MITF: variants seen among roughly 807,000 people sequenced by gnomAD.
MITF encodes the protein microphthalmia-associated transcription factor.
Under a neutral mutation model 60.5 loss-of-function variants are expected in MITF, and 17 were observed. That is an observed-to-expected ratio of 0.28 (90% CI 0.19 to 0.42). MITF has a LOEUF of 0.42. MITF is among the 10% of genes least tolerant of loss of function. MITF has a pLI of 1.00. For synonymous variants in MITF, 260 were observed against 248.5 expected, an observed-to-expected ratio of 1.05 and a Z score of -0.43; for missense variants, 622 against 683.5, an observed-to-expected ratio of 0.91 and a Z score of 1.00.
At chr3:69,924,759 A>C (rs1333947999) in intron 2 of MITF, among the ~76,000 whole-genome samples, 6 of 152,166 alleles carry the variant, frequency 3.9e-5, no homozygotes, top group African/African-American at 1.2e-4. Flanking sequence ...TTTCCCTAAA[A>C]CCCAGTTAAA....
chr3:69,868,333 G>A (rs1199271555), intron 1 of MITF, among the ~76,000 whole-genome samples: 1 of 152,164 alleles, frequency 6.6e-6, no homozygotes, highest in Non-Finnish European at 1.5e-5. Flanking sequence ...AAGTGATACA[G>A]CTAAGAAATG....
At chr3:69,947,486 CCA>C (rs2066127163) in intron 5 of MITF, among the ~76,000 whole-genome samples, 1 of 152,160 alleles carries the variant, frequency 6.6e-6, no homozygotes, top group Non-Finnish European at 1.5e-5. Context: ...TCAACTAAAA[CCA>C]CTTAGTGAAA....
At chr3:69,899,582 AG>A (rs1323537719) in intron 2 of MITF, among the ~76,000 whole-genome samples, 3 of 152,152 alleles carry the variant, frequency 2.0e-5, no homozygotes, top group Non-Finnish European at 4.4e-5. Context: ...TTCTCATCTC[AG>A]GGGGTTATCA....
Position 69,799,438 on chromosome 3 carries a change from G to A in MITF, c.104+59737G>A, listed in dbSNP as rs758902160. ...TACAGTTTTTATTTCTCTGATTTAA[G>A]CATTGTCACATTGGCTCTTTTTGTT... On this transcript the variant is annotated intron_variant, in intron 1 of 9. Coordinates refer to ENST00000352241, the MANE Select transcript of MITF (RefSeq NM_001354604.2). Among the ~76,000 whole-genome samples, 3 of 152,186 alleles carry A rather than the reference G, an allele frequency of 2.0e-5. No individual in the cohort carries two copies. The South Asian group carries it at 6.2e-4, about 32-fold the overall frequency.
At chr3:69,793,181 T>G (rs1194993959) in intron 1 of MITF, among the ~76,000 whole-genome samples, 1 of 127,848 alleles carries the variant, frequency 7.8e-6, no homozygotes, top group African/African-American at 2.7e-5. Flanking sequence ...ACCTGGCTAA[T>G]TTTTTTGTAT....
intron 9 of MITF, among the ~76,000 whole-genome samples, chr3:69,963,257 C>T (rs147379158): frequency 1.2e-3 from 189 of 152,226 alleles, no homozygotes; most frequent in Non-Finnish European, 2.1e-3. Context: ...TAGATGAGAA[C>T]GTACTTGTTG....
At chr3:69,911,150 TG>T (rs980133605) in intron 2 of MITF, among the ~76,000 whole-genome samples, 15 of 152,198 alleles carry the variant, frequency 9.9e-5, no homozygotes, top group Non-Finnish European at 1.5e-5. Context: ...CAGGGGTTTC[TG>T]CTTTTGCTTC....
chr3:69,844,046 A>C (rs1388102579), intron 1 of MITF, among the ~76,000 whole-genome samples: 1 of 152,142 alleles, frequency 6.6e-6, no homozygotes, highest in Non-Finnish European at 1.5e-5. Context: ...TTCCAGCTTC[A>C]TCCATGTCCC....
intron 1 of MITF, among the ~76,000 whole-genome samples, chr3:69,855,273 A>AG: frequency 6.6e-6 from 1 of 151,734 alleles, no homozygotes; most frequent in East Asian, 1.9e-4. Flanking sequence ...AAAAAAAAAA[A>AG]AAAAAACACT....
intron 2 of MITF, among the ~76,000 whole-genome samples, chr3:69,883,945 A>T (rs919494255): frequency 6.6e-6 from 1 of 152,084 alleles, no homozygotes; most frequent in Non-Finnish European, 1.5e-5. Context: ...TTTTGAATCA[A>T]TGTTGGTGTC....
chr3:69,910,123 A>T (rs904753167), intron 2 of MITF, among the ~76,000 whole-genome samples: 3 of 152,228 alleles, frequency 2.0e-5, no homozygotes, highest in Non-Finnish European at 4.4e-5. Flanking sequence ...CCTGTGTCCC[A>T]GCCTCTCCAA....
At position 69,826,591 on chromosome 3, in the gene MITF, G is replaced by C. The variant is rs968917995; in HGVS notation, c.105-52543G>C. On this transcript the variant is annotated intron_variant, in intron 1 of 9. Coordinates refer to ENST00000352241, the MANE Select transcript of MITF (RefSeq NM_001354604.2). Reference sequence around the variant, plus strand: ...GCAAAATGTGAGGTTGAAGACACAAGCTTGGAGTTAGACAACTCATTAACT... The same window carrying C: ...GCAAAATGTGAGGTTGAAGACACAACCTTGGAGTTAGACAACTCATTAACT... Among the ~76,000 whole-genome samples the C allele has an allele frequency of 3.9e-5, 6 of 152,172 alleles. No homozygotes were observed. In the South Asian group the frequency reaches 6.2e-4, roughly 16 times the overall value.
chr3:69,950,356 G>T (rs888103384), intron 6 of MITF, among the ~76,000 whole-genome samples: 4 of 151,278 alleles, frequency 2.6e-5, no homozygotes, highest in Non-Finnish European at 2.9e-5. Context: ...CATTGAAGTG[G>T]AGGGTATGTA....
chr3:69,785,245 C>T (rs2062628988), intron 1 of MITF, among the ~76,000 whole-genome samples: 1 of 150,948 alleles, frequency 6.6e-6, no homozygotes, highest in Non-Finnish European at 1.5e-5. Flanking sequence ...CGGCGTGCTG[C>T]GGCAGTGGTG....
intron 1 of MITF, among the ~76,000 whole-genome samples, chr3:69,767,884 G>A (rs1340200071): frequency 6.6e-6 from 1 of 152,184 alleles, no homozygotes; most frequent in Non-Finnish European, 1.5e-5. Context: ...CACATGCATC[G>A]TTCAGCCCTG....
At chr3:69,905,995 TG>T (rs1445222697) in intron 2 of MITF, among the ~76,000 whole-genome samples, 1 of 152,158 alleles carries the variant, frequency 6.6e-6, no homozygotes, top group Non-Finnish European at 1.5e-5. Context: ...CCAAGTTCAT[TG>T]GTTTTGTAAA....
rs575520193 is a variant in MITF at position 69,818,972 on chromosome 3, A to G, written c.105-60162A>G. Among the ~76,000 whole-genome samples, 17 of 152,324 alleles carry G rather than the reference A, an allele frequency of 1.1e-4. No homozygotes were observed. The South Asian group carries it at 3.3e-3, about 30-fold the overall frequency. On this transcript the variant is annotated intron_variant, in intron 1 of 9. Coordinates refer to ENST00000352241, the MANE Select transcript of MITF (RefSeq NM_001354604.2). ...ATCAAAGAGGACTGAAGTGTTTAAAATGAAAAGCAGTAATCATATGCTTCA... is the reference window on the plus strand; with the variant it reads ...ATCAAAGAGGACTGAAGTGTTTAAAGTGAAAAGCAGTAATCATATGCTTCA...
chr3:69,899,422 G>A (rs980006159), intron 2 of MITF, among the ~76,000 whole-genome samples: 2 of 152,166 alleles, frequency 1.3e-5, no homozygotes, highest in African/African-American at 4.8e-5. Context: ...AGAGCAATGG[G>A]AAGCCATGGA....
At chr3:69,895,879 A>G (rs895524559) in intron 2 of MITF, among the ~76,000 whole-genome samples, 1 of 141,940 alleles carries the variant, frequency 7.0e-6, no homozygotes, top group Non-Finnish European at 1.5e-5. Flanking sequence ...TTTTCTCTTA[A>G]AGCCTTTCCA....
Sources: allele counts gnomAD v4.1 joint callset (sites outside exome capture counted in the v4.1 genomes callset), GRCh38; gene constraint gnomAD v4.1.1; transcripts MANE v1.5; gene names NCBI Gene and HGNC (gene_info 2026-07-23, HGNC 2026-07-21).